FGFR1: variants seen among roughly 807,000 people sequenced by gnomAD.
FGFR1 encodes the protein FGFR1/PLAG1 fusion.
In FGFR1, 18 loss-of-function variants were observed where a neutral mutation model predicts 93.7. The observed-to-expected ratio is 0.19, with a 90% CI of 0.13 to 0.28. The LOEUF (loss-of-function observed/expected upper bound fraction) is 0.28, where lower values mean the gene tolerates loss of function less well. Ranked by LOEUF, FGFR1 falls within the 10% of genes least tolerant of loss-of-function variation. The pLI is 1.00. For synonymous variants in FGFR1, 448 were observed against 429.3 expected, an observed-to-expected ratio of 1.04 and a Z score of -0.54; for missense variants, 731 against 1,080.4, an observed-to-expected ratio of 0.68 and a Z score of 4.53.
intron 1 of FGFR1, among the ~76,000 whole-genome samples, chr8:38,464,235 C>G (rs1835020336): frequency 6.9e-6 from 1 of 144,836 alleles, no homozygotes; most frequent in Non-Finnish European, 1.5e-5. Flanking sequence ...AGAATCGCTT[C>G]AACCGGAAGG....
chr8:38,464,312 CAAAAAAAAAAAA>C (rs56133772), intron 1 of FGFR1, among the ~76,000 whole-genome samples: 2 of 82,396 alleles, frequency 2.4e-5, no homozygotes, highest in Non-Finnish European at 4.6e-5. Context: ...GAGACTATCT[CAAAAAAAAAAAA>C]AAAAAAAAAA....
intron 7 of FGFR1, 96 bp from the exon 8 acceptor site, chr8:38,422,037 G>C (rs1181911988): frequency 7.1e-7 from 1 of 1,413,496 alleles, no homozygotes; most frequent in Non-Finnish European, 9.8e-7. Flanking sequence ...AGGGGGACTA[G>C]AGGAAGAAAT....
rs1204612499 is a variant in FGFR1 at position 38,457,365 on chromosome 8, G to A, written c.82C>T (p.Pro28Ser). Residue 28 changes from proline (P) to serine (S), a missense_variant, in exon 2 of 18, where the codon CCT becomes TCT. Around this residue, in one of 10 missense-constraint regions of FGFR1, gnomAD observed 212 missense variants for 205.8 expected, o/e 1.03. Coordinates refer to ENST00000447712, the MANE Select transcript of FGFR1 (RefSeq NM_023110.3). ...CCAGCCAGCACCTTACCTTGTTCAG[G>A]CAAGGTCGGGGACGGCCTAGCGGTG... ...LCTARPSPTLPEQAQPWGAPV... is the reference protein window; with the variant it reads ...LCTARPSPTLSEQAQPWGAPV... 8.1e-6 allele frequency: 13 copies of A among 1,612,946 alleles called. No individual in the cohort carries two copies. The highest frequency in any genetic ancestry group is 1.3e-5 in the African/African-American group (1 of 74,926).
chr8:38,418,181 G>A (rs1197849881), intron 10 of FGFR1, 47 bp downstream of exon 10: 1 of 1,613,804 alleles, frequency 6.2e-7, no homozygotes, highest in Non-Finnish European at 8.5e-7. Flanking sequence ...CACTAGAATA[G>A]CAAGCAAGGA....
intron 7 of FGFR1, chr8:38,422,839 A>C (rs1036864894): frequency 1.7e-6 from 1 of 577,028 alleles, no homozygotes; most frequent in Non-Finnish European, 3.1e-6. Flanking sequence ...CAGAGAGGGA[A>C]CCCACAGACA....
chr8:38,454,816 G>A (rs970495871), intron 2 of FGFR1, among the ~76,000 whole-genome samples: 1 of 152,118 alleles, frequency 6.6e-6, no homozygotes, highest in African/African-American at 2.4e-5. Flanking sequence ...TCAAGTGGCA[G>A]AGCAGGATGC....
At chr8:38,416,820 T>C (rs1336072095) in intron 12 of FGFR1, among the ~76,000 whole-genome samples, 1 of 152,172 alleles carries the variant, frequency 6.6e-6, no homozygotes, top group African/African-American at 2.4e-5. Context: ...TGGCGTGATC[T>C]TGGCTCACTG....
chr8:38,428,305 C>T (rs556525654), intron 4 of FGFR1, 41 bp downstream of exon 4: 2 of 1,600,058 alleles, frequency 1.2e-6, no homozygotes, highest in Non-Finnish European at 8.6e-7. Flanking sequence ...AAACCCAATG[C>T]CCAGACCCAA....
chr8:38,418,512 C>T, intron 9 of FGFR1, 139 bp from the exon 10 acceptor site: 1 of 1,100,330 alleles, frequency 9.1e-7, no homozygotes, highest in Non-Finnish European at 1.3e-6. Flanking sequence ...CAGAGTGGTC[C>T]AAAGACCATG....
intron 2 of FGFR1, among the ~76,000 whole-genome samples, chr8:38,431,655 G>C (rs935661138): frequency 3.9e-5 from 6 of 152,146 alleles, no homozygotes; most frequent in African/African-American, 7.2e-5. Context: ...TTTCTCTTGG[G>C]GGGGCCAAGG....
chr8:38,468,375 G>A lies in FGFR1; in HGVS notation c.-483C>T, dbSNP rs936259572. 1.8e-5 allele frequency: 4 copies of A among 228,254 alleles called. No individual in the cohort carries two copies. Among genetic ancestry groups the A allele is most frequent in the Admixed American group, 1.1e-4 (2 of 17,590 alleles). The allele number at this position is 228,254 out of a possible 1,614,324, so 14.1% of individuals were successfully genotyped here. A position where few individuals can be genotyped will look rare whatever the true frequency, so the allele number is the denominator to read the frequency against. ...CAGCACGGGTACCGTGCGCCCTGCG[G>A]GGCGCCCCGAGCTCGGACCGGAGAA... is the stretch of plus-strand genomic sequence containing the variant. On this transcript the variant is annotated 5_prime_UTR_variant, in exon 1 of 18. Transcript: ENST00000447712.
At position 38,412,474 on chromosome 8, in the gene FGFR1, C is replaced by G. The variant is rs1418501976; in HGVS notation, c.*1154G>C. Reference sequence around the variant, plus strand: ...GGTCGATGGCTGCTGGGCCTTGACTCTCTGCCCAGCGCCTCTACTGCATGG... The same window carrying G: ...GGTCGATGGCTGCTGGGCCTTGACTGTCTGCCCAGCGCCTCTACTGCATGG... On this transcript the variant is annotated 3_prime_UTR_variant, in exon 18 of 18. Coordinates refer to ENST00000447712, the MANE Select transcript of FGFR1 (RefSeq NM_023110.3). The G allele has an allele frequency of 4.3e-6, 1 of 232,118 alleles. No individual in the cohort carries two copies. The highest frequency in any genetic ancestry group is 2.2e-5 in the African/African-American group (1 of 45,294). 14.4% of individuals were successfully genotyped at this position (232,118 alleles called of 1,614,324 possible). A position where few individuals can be genotyped will look rare whatever the true frequency, so the allele number is the denominator to read the frequency against.
chr8:38,418,694 T>G, intron 9 of FGFR1: 2 of 407,660 alleles, frequency 4.9e-6, no homozygotes, highest in Non-Finnish European at 4.6e-6. Context: ...GCAAATACTT[T>G]GCCTTAGCTT....
intron 2 of FGFR1, among the ~76,000 whole-genome samples, chr8:38,446,893 T>C (rs1365250287): frequency 1.3e-5 from 2 of 152,126 alleles, no homozygotes; most frequent in Admixed American, 6.6e-5. Flanking sequence ...CTGTGACCTA[T>C]AAAGAAAACT....
intron 2 of FGFR1, among the ~76,000 whole-genome samples, chr8:38,442,994 G>A (rs577045369): frequency 4.6e-5 from 7 of 152,240 alleles, no homozygotes; most frequent in South Asian, 2.1e-4. Context: ...TTTCTCCACC[G>A]TAAAGAAATT....
chr8:38,433,962 T>A (rs1010682519), intron 2 of FGFR1, among the ~76,000 whole-genome samples: 1 of 152,320 alleles, frequency 6.6e-6, no homozygotes, highest in Middle Eastern at 3.4e-3. Flanking sequence ...ACTAATCTGC[T>A]TTCTGTCTAT....
chr8:38,437,588 G>C (rs1825868877), intron 2 of FGFR1, among the ~76,000 whole-genome samples: 1 of 152,146 alleles, frequency 6.6e-6, no homozygotes, highest in South Asian at 2.1e-4. Flanking sequence ...TGAAATGTCT[G>C]GGGGGAACAG....
At chr8:38,466,895 A>C (rs17182120) in intron 1 of FGFR1, among the ~76,000 whole-genome samples, 1,789 of 135,132 alleles carry the variant, frequency 0.013, 57 homozygotes, top group African/African-American at 0.045. Flanking sequence ...TTCACACCCC[A>C]CCCCCCCCCC....
chr8:38,422,155 A>C (rs1586244158), intron 7 of FGFR1: 2 of 590,448 alleles, frequency 3.4e-6, no homozygotes, highest in South Asian at 3.8e-5. Context: ...GGCAGACCTG[A>C]GAAGACGATG....
Sources: allele counts gnomAD v4.1 joint callset (sites outside exome capture counted in the v4.1 genomes callset), GRCh38; gene constraint gnomAD v4.1.1; regional missense constraint gnomAD v4.1.1; transcripts MANE v1.5; gene names NCBI Gene and HGNC (gene_info 2026-07-23, HGNC 2026-07-21).